Variants in CPPED1 observed in about 807,000 individuals in gnomAD.
CPPED1 encodes calcineurin like phosphoesterase domain containing 1, also known as serine/threonine-protein phosphatase CPPED1.
A neutral mutation model predicts 28.0 loss-of-function variants in CPPED1; 28 were observed. That is an observed-to-expected ratio of 1.00 (90% CI 0.74 to 1.37). The LOEUF is 1.37. CPPED1 is among the 40% of genes most tolerant of loss of function. The pLI is 0.00. For synonymous variants in CPPED1, 198 were observed against 180.2 expected (o/e 1.10, Z -0.79); for missense variants, 504 against 416.5 (o/e 1.21, Z -1.83).
At chr16:12,740,891 C>T (rs1479212388) in intron 2 of CPPED1, among the ~76,000 whole-genome samples, 1 of 152,186 alleles carries the variant, frequency 6.6e-6, no homozygotes, top group East Asian at 1.9e-4. Context: ...GCTTTCAGCT[C>T]CCAATACTGG....
chr16:12,802,598 C>T (rs1477801079), intron 1 of CPPED1, among the ~76,000 whole-genome samples: 1 of 152,162 alleles, frequency 6.6e-6, no homozygotes, highest in South Asian at 2.1e-4. Flanking sequence ...AAGACTCCGC[C>T]TTAAATGAAT....
chr16:12,676,754 G>GTAA (rs960721732), intron 3 of CPPED1, among the ~76,000 whole-genome samples: 1 of 152,044 alleles, frequency 6.6e-6, no homozygotes, highest in South Asian at 2.1e-4. Context: ...TATTATGGTG[G>GTAA]TAATAATAAT....
In CPPED1 at chr16:12,705,693, G is replaced by C. The variant is rs182612407; in HGVS notation, c.290-644C>G. 6.3e-3 allele frequency among the ~76,000 whole-genome samples: 963 copies of C among 152,308 alleles called. 7 individuals are homozygous for C. The highest frequency in any genetic ancestry group is 8.4e-3 in the Non-Finnish European group (572 of 68,024). On this transcript the variant is annotated intron_variant, in intron 2 of 3. Coordinates refer to ENST00000381774, the MANE Select transcript of CPPED1 (RefSeq NM_018340.3). ...GAATCGCTTGAACTCGGGAGGCAGAGGTTGCAGTAAGCCAAGATCACGCCA... is the reference window on the plus strand; with the variant it reads ...GAATCGCTTGAACTCGGGAGGCAGACGTTGCAGTAAGCCAAGATCACGCCA...
intron 2 of CPPED1, among the ~76,000 whole-genome samples, chr16:12,769,162 G>A (rs796601810): frequency 5.3e-5 from 8 of 152,116 alleles, no homozygotes; most frequent in African/African-American, 1.9e-4. Flanking sequence ...ACTGTGCCTG[G>A]CCTTAAACTC....
chr16:12,790,241 A>C (rs745966980), intron 1 of CPPED1, among the ~76,000 whole-genome samples: 10 of 152,216 alleles, frequency 6.6e-5, no homozygotes, highest in Non-Finnish European at 1.5e-4. Context: ...GAACTTTTAA[A>C]ATCACAAACT....
At chr16:12,707,808 TA>T (rs200395070) in intron 2 of CPPED1, among the ~76,000 whole-genome samples, 11 of 148,478 alleles carry the variant, frequency 7.4e-5, no homozygotes, top group South Asian at 6.4e-4. Context: ...AGTAATCTGT[TA>T]AAAAAAAAAC....
chr16:12,755,647 A>G (rs2141222317), intron 2 of CPPED1, among the ~76,000 whole-genome samples: 1 of 152,284 alleles, frequency 6.6e-6, no homozygotes, highest in African/African-American at 2.4e-5. Context: ...AGATATAAAT[A>G]CTTTCCAGAA....
rs2080067633 is a variant in CPPED1 at position 12,709,281 on chromosome 16, G to A, written c.290-4232C>T. Reference sequence around the variant, plus strand: ...AACAAGGGGAAAGACTCTGAAAAATGGCAAGACATGACTCAGAAGAGGGGC... The same window carrying A: ...AACAAGGGGAAAGACTCTGAAAAATAGCAAGACATGACTCAGAAGAGGGGC... On this transcript the variant is annotated intron_variant, in intron 2 of 3. Coordinates refer to ENST00000381774, the MANE Select transcript of CPPED1 (RefSeq NM_018340.3). This position sits in a 1 kb window ranked among gnomAD's most constrained non-coding sequence, Gnocchi z 4.4. 6.6e-6 allele frequency among the ~76,000 whole-genome samples: 1 copy of A among 152,128 alleles called. No individual in the cohort carries two copies. Among genetic ancestry groups the A allele is most frequent in the Non-Finnish European group, 1.5e-5 (1 of 68,032 alleles).
intron 2 of CPPED1, among the ~76,000 whole-genome samples, chr16:12,776,865 G>T (rs1268808535): frequency 6.6e-6 from 1 of 152,112 alleles, no homozygotes; most frequent in Non-Finnish European, 1.5e-5. Context: ...GTTGCAATGA[G>T]CCAAGATCAT....
intron 1 of CPPED1, among the ~76,000 whole-genome samples, chr16:12,794,869 C>G (rs980060117): frequency 2.0e-5 from 3 of 152,206 alleles, no homozygotes; most frequent in African/African-American, 7.2e-5. Flanking sequence ...GCCGTCCTTC[C>G]AAAATCTTTA....
At chr16:12,749,474 G>A (rs774203904) in intron 2 of CPPED1, among the ~76,000 whole-genome samples, 1 of 152,186 alleles carries the variant, frequency 6.6e-6, no homozygotes, top group African/African-American at 2.4e-5. Context: ...CACATCTGCA[G>A]TTCTGTCTTC....
intron 2 of CPPED1, among the ~76,000 whole-genome samples, chr16:12,737,190 A>G (rs1305511352): frequency 6.6e-6 from 1 of 152,082 alleles, no homozygotes; most frequent in Non-Finnish European, 1.5e-5. Flanking sequence ...ACCATGTCTC[A>G]AAAAAATAAT....
At chr16:12,786,269 A>AC (rs796868107) in intron 1 of CPPED1, among the ~76,000 whole-genome samples, 5 of 151,964 alleles carry the variant, frequency 3.3e-5, no homozygotes, top group African/African-American at 1.2e-4. Context: ...ATTTTACTGA[A>AC]CCCCGGGGTG....
intron 2 of CPPED1, among the ~76,000 whole-genome samples, chr16:12,726,684 C>A (rs2080171809): frequency 6.6e-6 from 1 of 151,946 alleles, no homozygotes; most frequent in Non-Finnish European, 1.5e-5. Context: ...TGGGGCATGC[C>A]TGTGGTTCCA....
At chr16:12,724,118 C>T (rs1263066870) in intron 2 of CPPED1, among the ~76,000 whole-genome samples, 1 of 152,180 alleles carries the variant, frequency 6.6e-6, no homozygotes, top group South Asian at 2.1e-4. Context: ...TCTGGGGCTT[C>T]CTCCAGGTCA....
chr16:12,740,426 C>T (rs1166338305), intron 2 of CPPED1, among the ~76,000 whole-genome samples: 1 of 141,034 alleles, frequency 7.1e-6, no homozygotes, highest in Non-Finnish European at 1.5e-5. Flanking sequence ...ACCTGGGCAA[C>T]AGAACGAGAC....
At chr16:12,759,600 C>A (rs1360145583) in intron 2 of CPPED1, among the ~76,000 whole-genome samples, 1 of 152,102 alleles carries the variant, frequency 6.6e-6, no homozygotes, top group Non-Finnish European at 1.5e-5. Flanking sequence ...AAATTGTAAC[C>A]CCCGTGTGTC....
intron 3 of CPPED1, among the ~76,000 whole-genome samples, chr16:12,698,964 G>C (rs1299771994): frequency 1.3e-5 from 2 of 152,106 alleles, no homozygotes; most frequent in African/African-American, 4.8e-5. Context: ...AAAAGGTATC[G>C]AGACATCAAG....
chr16:12,681,705 G>A (rs1414653674), intron 3 of CPPED1, among the ~76,000 whole-genome samples: 1 of 152,142 alleles, frequency 6.6e-6, no homozygotes, highest in African/African-American at 2.4e-5. Flanking sequence ...AAAGGTTTGA[G>A]AAAGAGTGGA....
Sources: allele counts gnomAD v4.1 joint callset (sites outside exome capture counted in the v4.1 genomes callset), GRCh38; gene constraint gnomAD v4.1.1; non-coding constraint Gnocchi (gnomAD v3.1); transcripts MANE v1.5; gene names NCBI Gene and HGNC (gene_info 2026-07-23, HGNC 2026-07-21).